DAGLB: variants seen among roughly 807,000 people sequenced by gnomAD.
DAGLB encodes the protein diacylglycerol lipase beta.
A neutral mutation model predicts 72.1 loss-of-function variants in DAGLB; 66 were observed. The ratio of observed to expected loss-of-function variants is 0.92; its 90% CI spans 0.75 to 1.12. The LOEUF (loss-of-function observed/expected upper bound fraction) is 1.12, where lower values mean the gene tolerates loss of function less well. DAGLB is among the 50% of genes most tolerant of loss of function. DAGLB has a pLI of 0.00. For synonymous variants in DAGLB, 414 were observed against 359.5 expected (o/e 1.15, Z -1.71); for missense variants, 1,065 against 884.9 (o/e 1.20, Z -2.58).
intron 11 of DAGLB, among the ~76,000 whole-genome samples, chr7:6,413,770 A>G (rs1226057553): frequency 6.6e-6 from 1 of 152,202 alleles, no homozygotes; most frequent in East Asian, 1.9e-4. Flanking sequence ...GCTCCCAACA[A>G]CGAGTCACAT....
intron 11 of DAGLB, among the ~76,000 whole-genome samples, chr7:6,415,836 C>A (rs926794030): frequency 1.3e-5 from 2 of 149,582 alleles, no homozygotes; most frequent in Non-Finnish European, 1.5e-5. Flanking sequence ...CAGAGCAAGA[C>A]TCCGTCTCAA....
intron 5 of DAGLB, among the ~76,000 whole-genome samples, chr7:6,431,045 G>A (rs935846453): frequency 6.6e-6 from 1 of 152,118 alleles, no homozygotes; most frequent in African/African-American, 2.4e-5. Flanking sequence ...CAAAGTGCTG[G>A]GAAGCCAGGC....
At position 6,416,677 on chromosome 7, in the gene DAGLB, G is replaced by A; in HGVS notation, c.1377C>T (p.Ala459=). The change falls in exon 11 of 15, where the codon GCC becomes GCT. Residue 459 remains alanine (A), a synonymous_variant. Transcript: ENST00000297056. The part of the protein sequence containing the change: ...AALLATMLRA[A]YPQVRCYAFS... ...AGGCGTAGCACCTGACCTGCGGGTA[G>A]GCGGCTCTGAGCATGGTGGCCAGCA... The A allele has an allele frequency of 1.2e-6, 2 of 1,613,764 alleles. No individual in the cohort carries two copies. Among genetic ancestry groups the A allele is most frequent in the Non-Finnish European group, 1.7e-6 (2 of 1,179,860 alleles).
At position 6,430,611 on chromosome 7, in the gene DAGLB, C is replaced by T. The variant is rs758917223; in HGVS notation, c.802-4G>A. On this transcript the variant is annotated splice_polypyrimidine_tract_variant and splice_region_variant and intron_variant, in intron 5 of 14. Transcript: ENST00000297056. Reference sequence around the variant, plus strand: ...ATTCTGCATCCAGATCAGCTTCCTACAAGAGAAGGACAAAAACTACTGTTT... The same window carrying T: ...ATTCTGCATCCAGATCAGCTTCCTATAAGAGAAGGACAAAAACTACTGTTT... 4 of 1,583,554 alleles carry T rather than the reference C, an allele frequency of 2.5e-6. No individual in the cohort carries two copies. The Admixed American group carries it at 7.0e-5, about 28-fold the overall frequency.
In DAGLB at chr7:6,426,570, C is replaced by T. The variant is rs145393115; in HGVS notation, c.930-456G>A. Among the ~76,000 whole-genome samples, 203 of 152,208 alleles carry T rather than the reference C, an allele frequency of 1.3e-3. 1 individual carries two copies. In the Middle Eastern group the frequency reaches 0.017, roughly 13 times the overall value. On this transcript the variant is annotated intron_variant, in intron 6 of 14. Transcript: ENST00000297056. ...TAAGCGTGAGCCACTGCACTGGGCC[C>T]GGAATGGCTTATTAAAGATAATACC... is the stretch of plus-strand genomic sequence containing the variant.
chr7:6,446,606 G>A (rs983108770), intron 1 of DAGLB, among the ~76,000 whole-genome samples: 1 of 150,972 alleles, frequency 6.6e-6, no homozygotes, highest in Admixed American at 6.6e-5. Context: ...ATGTTGCCCA[G>A]ACTGGTCTTG....
At position 6,412,897 on chromosome 7, in the gene DAGLB, G is replaced by A. The variant is rs1231426382; in HGVS notation, c.1497-14C>T. 2 of 1,611,324 alleles carry A rather than the reference G, an allele frequency of 1.2e-6. No individual in the cohort carries two copies. Among genetic ancestry groups the A allele is most frequent in the East Asian group, 2.2e-5 (1 of 44,842 alleles). ...GTCACACTGAGCCTGTTTAGCAAAG[G>A]GGCACACTGAGGCTGGGACCTGGCA... On this transcript the variant is annotated splice_polypyrimidine_tract_variant and intron_variant, in intron 12 of 14. Transcript: ENST00000297056.
intron 2 of DAGLB, among the ~76,000 whole-genome samples, chr7:6,439,951 C>T (rs1207889772): frequency 6.6e-6 from 1 of 150,410 alleles, no homozygotes; most frequent in South Asian, 2.1e-4. Flanking sequence ...ACTCGGGAGG[C>T]TGAGGCAGGA....
intron 8 of DAGLB, among the ~76,000 whole-genome samples, chr7:6,424,542 G>A (rs1784241140): frequency 1.3e-5 from 2 of 152,178 alleles, no homozygotes; most frequent in South Asian, 4.1e-4. Flanking sequence ...TGGCCGCTCT[G>A]CTGCTGACAG....
At chr7:6,414,227 G>A (rs1783829693) in intron 11 of DAGLB, among the ~76,000 whole-genome samples, 1 of 151,780 alleles carries the variant, frequency 6.6e-6, no homozygotes, top group Admixed American at 6.6e-5. Flanking sequence ...AGCCAGGATG[G>A]TCTTGATCTC....
At chr7:6,446,760 G>A (rs1417599098) in intron 1 of DAGLB, among the ~76,000 whole-genome samples, 1 of 151,514 alleles carries the variant, frequency 6.6e-6, no homozygotes, top group Non-Finnish European at 1.5e-5. Flanking sequence ...TGTAATCCTA[G>A]CACTTTGGGA....
intron 11 of DAGLB, among the ~76,000 whole-genome samples, chr7:6,413,257 C>T (rs1227139129): frequency 2.0e-5 from 3 of 152,172 alleles, no homozygotes. Flanking sequence ...GCAGCTAAAA[C>T]CGCAAACTGG....
At chr7:6,423,346 G>A (rs375280577) in intron 8 of DAGLB, among the ~76,000 whole-genome samples, 10 of 152,266 alleles carry the variant, frequency 6.6e-5, no homozygotes, top group South Asian at 2.1e-4. Context: ...GGGCCATGGC[G>A]CTGGAAATGG....
At chr7:6,421,865 C>A (rs752932704) in intron 8 of DAGLB, 61 bp from the exon 9 acceptor site, 4 of 1,559,760 alleles carry the variant, frequency 2.6e-6, no homozygotes, top group Admixed American at 1.7e-5. Flanking sequence ...GGGAGAATGA[C>A]AGGTGGTCCC....
chr7:6,421,923 A>G lies in DAGLB; in HGVS notation c.1141-119T>C, dbSNP rs73676742. 2,040 of 1,140,316 alleles carry G rather than the reference A, an allele frequency of 1.8e-3. 31 individuals are homozygous for G. In the African/African-American group the frequency reaches 0.029, roughly 16 times the overall value. The allele number at this position is 1,140,316 out of a possible 1,614,324, so 70.6% of individuals were successfully genotyped here. A position where few individuals can be genotyped will look rare whatever the true frequency, so the allele number is the denominator to read the frequency against. On this transcript the variant is annotated intron_variant, in intron 8 of 14. Transcript: ENST00000297056. ...GATGGCGGGGATGGCACCATCTCCT[A>G]GTTCGGTCCTGGGACTGAACCCTAA...
intron 2 of DAGLB, among the ~76,000 whole-genome samples, chr7:6,441,337 C>T (rs1265207088): frequency 2.7e-5 from 4 of 150,612 alleles, no homozygotes; most frequent in East Asian, 3.9e-4. Flanking sequence ...ATGATTCGCC[C>T]GCCTCGGCCT....
chr7:6,420,113 C>A (rs1253967767), intron 9 of DAGLB, among the ~76,000 whole-genome samples: 1 of 152,106 alleles, frequency 6.6e-6, no homozygotes, highest in Non-Finnish European at 1.5e-5. Context: ...CACCACTGCA[C>A]TCAAGCCTGG....
intron 3 of DAGLB, among the ~76,000 whole-genome samples, chr7:6,435,771 C>T (rs536286353): frequency 2.6e-5 from 4 of 152,170 alleles, no homozygotes; most frequent in Non-Finnish European, 4.4e-5. Flanking sequence ...GAGGAGCACA[C>T]GCAACCGGGA....
rs754899540 is a variant in DAGLB, at chr7:6,436,510, G to T, written c.271C>A (p.Arg91=). Residue 91 remains arginine, a synonymous_variant, in exon 3 of 15, where the codon CGG becomes AGG. Coordinates refer to ENST00000297056, the MANE Select transcript of DAGLB (RefSeq NM_139179.4). ...TAAAGCAGCTTAGACATAGACTTCC[G>T]CGGTCCAGGGTTACAAATCGTTCCT... ...MRGTICNPGP[R]KSMSKLLYIR... is the part of the protein sequence containing the mutation. The T allele has an allele frequency of 1.2e-6, 2 of 1,614,142 alleles. No homozygotes were observed. Among genetic ancestry groups the T allele is most frequent in the Non-Finnish European group, 1.7e-6 (2 of 1,180,032 alleles).
Sources: gnomAD v4.1 joint callset for allele counts (sites outside exome capture counted in the v4.1 genomes callset) on GRCh38, gnomAD v4.1.1 for gene constraint, MANE v1.5 for transcripts, NCBI Gene and HGNC (gene_info 2026-07-23, HGNC 2026-07-21) for gene names.